JAZF1: variants seen among roughly 807,000 people sequenced by gnomAD.
JAZF1 encodes juxtaposed with another zinc finger protein 1.
A neutral mutation model predicts 26.4 loss-of-function variants in JAZF1; 8 were observed. The observed-to-expected ratio is 0.30, with a 90% CI of 0.18 to 0.55. JAZF1 has a LOEUF of 0.55. Ranked by LOEUF, JAZF1 falls within the 20% of genes least tolerant of loss-of-function variation. JAZF1 has a pLI of 0.94. For missense variants in JAZF1, 199 were observed against 322.0 expected, an observed-to-expected ratio of 0.62 and a Z score of 2.92; for synonymous variants, 126 against 122.3, an observed-to-expected ratio of 1.03 and a Z score of -0.20.
At chr7:27,881,011 C>A (rs939200658) in intron 3 of JAZF1, among the ~76,000 whole-genome samples, 1 of 152,128 alleles carries the variant, frequency 6.6e-6, no homozygotes, top group Non-Finnish European at 1.5e-5. Flanking sequence ...GCAAGTACTG[C>A]GTATTAGTTA....
chr7:28,113,600 C>A (rs940868431), intron 1 of JAZF1, among the ~76,000 whole-genome samples: 1 of 152,188 alleles, frequency 6.6e-6, no homozygotes, highest in Admixed American at 6.5e-5. Context: ...AGTGCTAGGC[C>A]CCTGCATTCA....
At chr7:28,084,462 G>A (rs1480941876) in intron 1 of JAZF1, among the ~76,000 whole-genome samples, 1 of 152,180 alleles carries the variant, frequency 6.6e-6, no homozygotes, top group Non-Finnish European at 1.5e-5. Context: ...TTTGGGTTCT[G>A]ACCACGGCCT....
chr7:27,881,222 G>A (rs1480793528), intron 3 of JAZF1, among the ~76,000 whole-genome samples: 1 of 152,154 alleles, frequency 6.6e-6, no homozygotes, highest in Admixed American at 6.5e-5. Context: ...AAGGTGCATG[G>A]CCCACAGGTG....
intron 1 of JAZF1, among the ~76,000 whole-genome samples, chr7:28,047,505 AT>A (rs1348134664): frequency 6.6e-6 from 1 of 152,104 alleles, no homozygotes; most frequent in East Asian, 1.9e-4. Context: ...ACTTCAGTAA[AT>A]TTCTATCGTT....
intron 1 of JAZF1, among the ~76,000 whole-genome samples, chr7:28,132,624 T>C (rs911204938): frequency 6.6e-6 from 1 of 152,232 alleles, no homozygotes; most frequent in Non-Finnish European, 1.5e-5. Flanking sequence ...TTCTGTGTAA[T>C]GATGACCCTT....
At chr7:27,860,487 T>C (rs187558808) in intron 3 of JAZF1, among the ~76,000 whole-genome samples, 3 of 152,322 alleles carry the variant, frequency 2.0e-5, no homozygotes, top group Non-Finnish European at 4.4e-5. Context: ...CTTTCTCATC[T>C]TCATCCTCCT....
rs373001842 is a variant in JAZF1, at chr7:28,096,693, AT to A, written c.115+83769del. Among the ~76,000 whole-genome samples the A allele has an allele frequency of 5.5e-3, 836 of 150,778 alleles. 7 individuals carry two copies. Among genetic ancestry groups the A allele is most frequent in the African/African-American group, 0.019 (794 of 41,156 alleles). ...CTATTTTTTAACTTTTTCATTTGCA[AT>A]TTTTTTTTTAATTCTCAAATTGCAT... On this transcript the variant is annotated intron_variant, in intron 1 of 4. Transcript: ENST00000283928.
intron 2 of JAZF1, among the ~76,000 whole-genome samples, chr7:27,919,865 G>A (rs1446684348): frequency 1.3e-5 from 2 of 152,160 alleles, no homozygotes; most frequent in African/African-American, 4.8e-5. Flanking sequence ...TGTATGTAGA[G>A]GCAAATTCAA....
intron 1 of JAZF1, among the ~76,000 whole-genome samples, chr7:28,005,490 G>A (rs1782685321): frequency 6.6e-6 from 1 of 151,862 alleles, no homozygotes; most frequent in Admixed American, 6.6e-5. Flanking sequence ...CTGCCTAAGA[G>A]TTATCAAATG....
chr7:28,098,791 A>G (rs1198815202), intron 1 of JAZF1, among the ~76,000 whole-genome samples: 1 of 152,218 alleles, frequency 6.6e-6, no homozygotes, highest in Non-Finnish European at 1.5e-5. Flanking sequence ...CACTGTGCTA[A>G]GCATATCATG....
At chr7:28,000,540 C>T (rs1480708909) in intron 1 of JAZF1, among the ~76,000 whole-genome samples, 3 of 151,500 alleles carry the variant, frequency 2.0e-5, no homozygotes, top group Admixed American at 6.6e-5. Context: ...GGTGAGGAGA[C>T]AACAAGAGAA....
chr7:28,028,129 A>G (rs1783123851), intron 1 of JAZF1, among the ~76,000 whole-genome samples: 2 of 152,240 alleles, frequency 1.3e-5, no homozygotes, highest in Non-Finnish European at 2.9e-5. Context: ...CCCAAGTTCA[A>G]TATGAAACAA....
chr7:27,954,212 G>A (rs890586165), intron 2 of JAZF1, among the ~76,000 whole-genome samples: 1 of 152,184 alleles, frequency 6.6e-6, no homozygotes, highest in Non-Finnish European at 1.5e-5. Context: ...TAAATACTTT[G>A]GTTAGTGAGG....
intron 2 of JAZF1, among the ~76,000 whole-genome samples, chr7:27,913,228 T>A (rs1035116743): frequency 6.7e-6 from 1 of 149,536 alleles, no homozygotes; most frequent in African/African-American, 2.4e-5. Context: ...TTTTTATATA[T>A]GTATATACAT....
chr7:28,152,718 A>G (rs1174431756), intron 1 of JAZF1, among the ~76,000 whole-genome samples: 1 of 152,236 alleles, frequency 6.6e-6, no homozygotes, highest in Non-Finnish European at 1.5e-5. Context: ...AGAATTACAG[A>G]TAAGAAAGTA....
At chr7:27,946,230 G>A (rs1354893528) in intron 2 of JAZF1, among the ~76,000 whole-genome samples, 1 of 152,134 alleles carries the variant, frequency 6.6e-6, no homozygotes, top group African/African-American at 2.4e-5. Context: ...AGGAACATCT[G>A]TATTTGGATA....
chr7:28,173,492 G>A (rs1362126657), intron 1 of JAZF1, among the ~76,000 whole-genome samples: 1 of 152,070 alleles, frequency 6.6e-6, no homozygotes, highest in East Asian at 1.9e-4. Flanking sequence ...TTATATATGT[G>A]TTAGATATCC....
intron 2 of JAZF1, among the ~76,000 whole-genome samples, chr7:27,922,101 G>C (rs1327501205): frequency 6.6e-6 from 1 of 152,024 alleles, no homozygotes; most frequent in Admixed American, 6.6e-5. Flanking sequence ...TAAACTTTTT[G>C]GATGAAATGG....
chr7:28,007,993 G>A (rs1219613508), intron 1 of JAZF1, among the ~76,000 whole-genome samples: 6 of 152,088 alleles, frequency 3.9e-5, no homozygotes, highest in East Asian at 1.9e-4. Flanking sequence ...CAGAACCCAC[G>A]ACAGAAGCTG....
Sources: gnomAD v4.1 joint callset for allele counts (sites outside exome capture counted in the v4.1 genomes callset) on GRCh38, gnomAD v4.1.1 for gene constraint, MANE v1.5 for transcripts, NCBI Gene and HGNC (gene_info 2026-07-23, HGNC 2026-07-21) for gene names.